Variants in PHKG2 observed in about 807,000 individuals in gnomAD.
PHKG2 encodes phosphorylase kinase catalytic subunit gamma 2, also known as phosphorylase b kinase gamma catalytic chain, liver/testis isoform.
PHKG2 carries 28 observed loss-of-function variants against 44.5 expected under a neutral mutation model. That is an observed-to-expected ratio of 0.63 (90% CI 0.47 to 0.86). The LOEUF (loss-of-function observed/expected upper bound fraction) is 0.86, where lower values mean the gene tolerates loss of function less well. Among genes scored for constraint, PHKG2 ranks in the 40% least tolerant of loss-of-function variants. The probability of loss-of-function intolerance (pLI) is 0.00; values close to 1 mark genes in which losing one functional copy is unlikely to be tolerated. For synonymous variants in PHKG2, 220 were observed against 211.2 expected (o/e 1.04, Z -0.36); for missense variants, 498 against 547.5 (o/e 0.91, Z 0.90).
At chr16:30,751,486 C>T in intron 3 of PHKG2, 63 bp from the exon 4 acceptor site, 1 of 1,495,076 alleles carries the variant, frequency 6.7e-7, no homozygotes, top group Non-Finnish European at 9.3e-7. Context: ...GTGGCCAAGC[C>T]CCGTTAATGT....
In PHKG2 at chr16:30,759,664, T is replaced by C; in HGVS notation, c.*2567T>C. ...TCCAGGGGAACTGACCCTGACTCCATGGCAAAAAAGGACACTGGTGAAGTA... is the reference window on the plus strand; with the variant it reads ...TCCAGGGGAACTGACCCTGACTCCACGGCAAAAAAGGACACTGGTGAAGTA... On this transcript the variant is annotated 3_prime_UTR_variant, in exon 10 of 10. Coordinates refer to ENST00000563588, the MANE Select transcript of PHKG2 (RefSeq NM_000294.3). 2 of 1,612,818 alleles carry C rather than the reference T, an allele frequency of 1.2e-6. No homozygotes were observed. Among genetic ancestry groups the C allele is most frequent in the Non-Finnish European group, 8.5e-7 (1 of 1,179,664 alleles).
At chr16:30,751,802 A>G (rs895037977) in intron 4 of PHKG2, 199 bp downstream of exon 4, 3 of 671,184 alleles carry the variant, frequency 4.5e-6, no homozygotes, top group Non-Finnish European at 8.2e-6. Context: ...ATTCTTTAAT[A>G]GTGACTAGTG....
chr16:30,749,016 G>GCTGC, intron 2 of PHKG2, 101 bp downstream of exon 2: 1 of 21,854 alleles, frequency 4.6e-5, no homozygotes, highest in East Asian at 4.3e-3. Flanking sequence ...GGTGGTGGTG[G>GCTGC]TGGTGGTGGT....
In PHKG2 at chr16:30,759,127, T is replaced by G; in HGVS notation, c.*2030T>G. 6.2e-7 allele frequency: 1 copy of G among 1,614,212 alleles called. No individual in the cohort carries two copies. Among genetic ancestry groups the G allele is most frequent in the Non-Finnish European group, 8.5e-7 (1 of 1,180,036 alleles). ...CTGCAAACCAGAAGCAGGAAGAGACTGTGGCCCCAGGCCTGGCCCAGCCCA... is the reference window on the plus strand; with the variant it reads ...CTGCAAACCAGAAGCAGGAAGAGACGGTGGCCCCAGGCCTGGCCCAGCCCA... On this transcript the variant is annotated 3_prime_UTR_variant, in exon 10 of 10. Transcript: ENST00000563588.
Position 30,760,179 on chromosome 16 carries a change from C to T in PHKG2, c.*3082C>T, listed in dbSNP as rs754089234. On this transcript the variant is annotated 3_prime_UTR_variant, in exon 10 of 10. Transcript: ENST00000563588. Reference sequence around the variant, plus strand: ...TGTATGATGATGCTACTAATAATGACATATTCCAGGCAGAAATCCCCTGCT... The same window carrying T: ...TGTATGATGATGCTACTAATAATGATATATTCCAGGCAGAAATCCCCTGCT... 8.1e-6 allele frequency: 13 copies of T among 1,602,722 alleles called. No homozygotes were observed. Among genetic ancestry groups the T allele is most frequent in the South Asian group, 1.1e-5 (1 of 90,678 alleles).
At chr16:30,748,574 T>C (rs1476630129) in intron 1 of PHKG2, 84 bp downstream of exon 1, 15 of 514,616 alleles carry the variant, frequency 2.9e-5, no homozygotes, top group Non-Finnish European at 4.8e-5. Flanking sequence ...CTTGCGCCCC[T>C]TCCCCCTGCC....
rs1269008114 is a variant in PHKG2, at chr16:30,760,702, C to T, written c.*3605C>T. The T allele has an allele frequency of 1.1e-5, 17 of 1,542,856 alleles. No individual in the cohort carries two copies. Among genetic ancestry groups the T allele is most frequent in the Non-Finnish European group, 1.3e-5 (15 of 1,139,192 alleles). On this transcript the variant is annotated 3_prime_UTR_variant, in exon 10 of 10. Coordinates refer to ENST00000563588, the MANE Select transcript of PHKG2 (RefSeq NM_000294.3). ...GTAAAAGAAAAAGAGTATTGGTGGC[C>T]GTTACCTATCATGACAAGGCTGTGA...
chr16:30,760,674 AT>A lies in PHKG2; in HGVS notation c.*3578del. 1 of 1,523,974 alleles carries A rather than the reference AT, an allele frequency of 6.6e-7. No individual in the cohort carries two copies. The highest frequency in any genetic ancestry group is 1.2e-5 in the South Asian group (1 of 81,742). The allele number at this position is 1,523,974 out of a possible 1,614,324, so 94.4% of individuals were successfully genotyped here. ...AATGGACGTCCAGGTACTTCCTGTT[AT>A]AGTAAAAGAAAAAGAGTATTGGTGG... On this transcript the variant is annotated 3_prime_UTR_variant, in exon 10 of 10. Transcript: ENST00000563588.
Position 30,757,403 on chromosome 16 carries a change from C to T in PHKG2, c.*306C>T, listed in dbSNP as rs184619676. On this transcript the variant is annotated 3_prime_UTR_variant, in exon 10 of 10. Transcript: ENST00000563588. ...GTCTGTCTGGCTTGGGCAGGAAAGCCCAGAAGGTGCTCAGCAGGGTGCAGG... is the reference window on the plus strand; with the variant it reads ...GTCTGTCTGGCTTGGGCAGGAAAGCTCAGAAGGTGCTCAGCAGGGTGCAGG... The T allele has an allele frequency of 2.0e-4, 304 of 1,554,872 alleles. No individual in the cohort carries two copies. The highest frequency in any genetic ancestry group is 1.8e-4 in the Non-Finnish European group (202 of 1,150,158).
chr16:30,755,400 G>A (rs770367099), intron 6 of PHKG2: 53 of 155,832 alleles, frequency 3.4e-4, no homozygotes, highest in South Asian at 3.8e-4. Context: ...ATAGCTCGCC[G>A]GGCGCGGTAG....
Position 30,758,879 on chromosome 16 carries a change from C to T in PHKG2, c.*1782C>T. The T allele has an allele frequency of 2.1e-6, 3 of 1,448,298 alleles. No individual in the cohort carries two copies. Among genetic ancestry groups the T allele is most frequent in the Non-Finnish European group, 2.8e-6 (3 of 1,087,460 alleles). 89.7% of individuals were successfully genotyped at this position (1,448,298 alleles called of 1,614,324 possible). ...CTGTGCTTTTATCTGTCATCTTGGACTTCTGCATAAGGGATCATTTAGAGA... is the reference window on the plus strand; with the variant it reads ...CTGTGCTTTTATCTGTCATCTTGGATTTCTGCATAAGGGATCATTTAGAGA... On this transcript the variant is annotated 3_prime_UTR_variant, in exon 10 of 10. Coordinates refer to ENST00000563588, the MANE Select transcript of PHKG2 (RefSeq NM_000294.3).
chr16:30,757,641 G>A lies in PHKG2; in HGVS notation c.*544G>A, dbSNP rs746924858. The A allele has an allele frequency of 6.2e-6, 10 of 1,612,860 alleles. No homozygotes were observed. The South Asian group carries it at 6.6e-5, about 11-fold the overall frequency. On this transcript the variant is annotated 3_prime_UTR_variant, in exon 10 of 10. Coordinates refer to ENST00000563588, the MANE Select transcript of PHKG2 (RefSeq NM_000294.3). ...CTTGGGTCTTGATGTAGGCTCGGAG[G>A]ACGTGGATGTGGCCTGCAGGGGCAG... is the stretch of plus-strand genomic sequence containing the variant.
Position 30,757,709 on chromosome 16 carries a change from G to A in PHKG2, c.*612G>A. ...GAGGAGAGATGCTGTCTGGCAATGG[G>A]GGGATGGTCCCTAGTTGGGCAAACA... is the stretch of plus-strand genomic sequence containing the variant. On this transcript the variant is annotated 3_prime_UTR_variant, in exon 10 of 10. Coordinates refer to ENST00000563588, the MANE Select transcript of PHKG2 (RefSeq NM_000294.3). 2 of 1,551,870 alleles carry A rather than the reference G, an allele frequency of 1.3e-6. No homozygotes were observed. Among genetic ancestry groups the A allele is most frequent in the Non-Finnish European group, 8.7e-7 (1 of 1,148,042 alleles).
At chr16:30,752,745 A>C (rs2151307817) in intron 4 of PHKG2, 1 of 252,956 alleles carries the variant, frequency 4.0e-6, no homozygotes, top group African/African-American at 2.3e-5. Context: ...TCCCCAAAAC[A>C]GCACCTGATA....
rs1328749302 is a variant in PHKG2, at chr16:30,760,657, T to C, written c.*3560T>C. The C allele has an allele frequency of 1.2e-5, 19 of 1,549,496 alleles. No individual in the cohort carries two copies. The Admixed American group carries it at 3.3e-4, about 27-fold the overall frequency. ...CTCCAGCTGGTGCATGGAATGGACG[T>C]CCAGGTACTTCCTGTTATAGTAAAA... On this transcript the variant is annotated 3_prime_UTR_variant, in exon 10 of 10. Transcript: ENST00000563588.
Position 30,757,985 on chromosome 16 carries a change from G to T in PHKG2, c.*888G>T. On this transcript the variant is annotated 3_prime_UTR_variant, in exon 10 of 10. Coordinates refer to ENST00000563588, the MANE Select transcript of PHKG2 (RefSeq NM_000294.3). Reference sequence around the variant, plus strand: ...ATAGGATTGAGGGAGGATTAAATGAGTTAATTTATGTAAAATGCTTAGAGC... The same window carrying T: ...ATAGGATTGAGGGAGGATTAAATGATTTAATTTATGTAAAATGCTTAGAGC... 1 of 298,444 alleles carries T rather than the reference G, an allele frequency of 3.4e-6. No homozygotes were observed. Among genetic ancestry groups the T allele is most frequent in the Non-Finnish European group, 5.7e-6 (1 of 174,148 alleles). The allele number at this position is 298,444 out of a possible 1,614,324, so 18.5% of individuals were successfully genotyped here.
At position 30,757,723 on chromosome 16, in the gene PHKG2, G is replaced by A; in HGVS notation, c.*626G>A. 6.6e-7 allele frequency: 1 copy of A among 1,522,608 alleles called. No homozygotes were observed. Among genetic ancestry groups the A allele is most frequent in the Non-Finnish European group, 8.8e-7 (1 of 1,136,894 alleles). The allele number at this position is 1,522,608 out of a possible 1,614,324, so 94.3% of individuals were successfully genotyped here. On this transcript the variant is annotated 3_prime_UTR_variant, in exon 10 of 10. Coordinates refer to ENST00000563588, the MANE Select transcript of PHKG2 (RefSeq NM_000294.3). Reference sequence around the variant, plus strand: ...TCTGGCAATGGGGGGATGGTCCCTAGTTGGGCAAACAGTCCCCAAATTTCC... The same window carrying A: ...TCTGGCAATGGGGGGATGGTCCCTAATTGGGCAAACAGTCCCCAAATTTCC...
intron 6 of PHKG2, among the ~76,000 whole-genome samples, chr16:30,753,766 C>CA (rs1380683598): frequency 6.6e-6 from 1 of 152,186 alleles, no homozygotes; most frequent in Non-Finnish European, 1.5e-5. Context: ...AGCAGGCAGA[C>CA]AGACAGTGGT....
chr16:30,749,129 G>GCT lies in PHKG2; in HGVS notation c.95+214_95+215insCT, dbSNP rs1461390289. Among the ~76,000 whole-genome samples the GCT allele has an allele frequency of 3.8e-4, 22 of 58,444 alleles. 5 individuals carry two copies. Among genetic ancestry groups the GCT allele is most frequent in the African/African-American group, 1.2e-3 (22 of 18,444 alleles). 38.3% of individuals were successfully genotyped at this position (58,444 alleles called of 152,430 possible). On this transcript the variant is annotated intron_variant, in intron 2 of 9. Transcript: ENST00000563588. ...TGCTGCTGGTGGTGCTGGTGCTGGTGGTGGTGGTGCTGGTGCTGGTGGTGG... is the reference window on the plus strand; with the variant it reads ...TGCTGCTGGTGGTGCTGGTGCTGGTGCTGTGGTGGTGCTGGTGCTGGTGGTGG...
Sources: allele counts gnomAD v4.1 joint callset (sites outside exome capture counted in the v4.1 genomes callset), GRCh38; gene constraint gnomAD v4.1.1; transcripts MANE v1.5; gene names NCBI Gene and HGNC (gene_info 2026-07-23, HGNC 2026-07-21).